REL: variants seen among roughly 807,000 people sequenced by gnomAD.
REL encodes REL proto-oncogene, NF-kB subunit.
A neutral mutation model predicts 45.9 loss-of-function variants in REL; 15 were observed. The ratio of observed to expected loss-of-function variants is 0.33; its 90% CI spans 0.22 to 0.50. The LOEUF (loss-of-function observed/expected upper bound fraction) is 0.50. REL is among the 20% of genes least tolerant of loss of function. The pLI, the probability that REL is intolerant of heterozygous loss-of-function variation, is 0.98. For synonymous variants in REL, 239 were observed against 242.1 expected, an observed-to-expected ratio of 0.99 and a Z score of 0.12; for missense variants, 601 against 715.2, an observed-to-expected ratio of 0.84 and a Z score of 1.82.
chr2:60,890,772 A>G (rs1044988110), intron 1 of REL, among the ~76,000 whole-genome samples: 1 of 152,190 alleles, frequency 6.6e-6, no homozygotes, highest in Non-Finnish European at 1.5e-5. Context: ...TCATCACAAG[A>G]TAATGTCCCC....
rs371959186 is a variant in REL at position 60,881,574 on chromosome 2, A to T, written c.-267A>T. On this transcript the variant is annotated 5_prime_UTR_variant, in exon 1 of 10. Transcript: ENST00000394479. ...CTGCTCGCCTCTCGGCTGGGCCAGC[A>T]CTCGGCTCTCCCCGCTCCGCCCCCT... is the stretch of plus-strand genomic sequence containing the variant. 1 of 473,802 alleles carries T rather than the reference A, an allele frequency of 2.1e-6. No homozygotes were observed. Among genetic ancestry groups the T allele is most frequent in the African/African-American group, 2.0e-5 (1 of 48,826 alleles). 29.3% of individuals were successfully genotyped at this position (473,802 alleles called of 1,614,324 possible). A position where few individuals can be genotyped will look rare whatever the true frequency, so the allele number is the denominator to read the frequency against.
chr2:60,916,077 C>G lies in REL; in HGVS notation c.395-800C>G, dbSNP rs144652523. ...TTAATGACTTGAGTTCACATTTCCA[C>G]CCTGTCACTGTGAAACTTTGGGCAA... On this transcript the variant is annotated intron_variant, in intron 4 of 9. Transcript: ENST00000394479. Among the ~76,000 whole-genome samples, 58 of 152,296 alleles carry G rather than the reference C, an allele frequency of 3.8e-4. No homozygotes were observed. The East Asian group carries it at 0.011, about 29-fold the overall frequency.
chr2:60,913,850 C>T (rs559966910), intron 4 of REL, among the ~76,000 whole-genome samples: 1 of 152,294 alleles, frequency 6.6e-6, no homozygotes, highest in African/African-American at 2.4e-5. Context: ...AGATTATCAT[C>T]TATCATTACC....
chr2:60,926,637 A>G lies in REL; in HGVS notation c.*4102A>G, dbSNP rs114609373. The G allele has an allele frequency of 2.3e-3, 520 of 229,688 alleles. 3 individuals are homozygous for G. The highest frequency in any genetic ancestry group is 0.011 in the African/African-American group (499 of 45,062). The allele number at this position is 229,688 out of a possible 1,614,324, so 14.2% of individuals were successfully genotyped here. On this transcript the variant is annotated 3_prime_UTR_variant, in exon 10 of 10. Transcript: ENST00000394479. ...GAGCCCACAGGTTCAGTTTTCTTTC[A>G]TGCTACCTGAATGTCCTGATAAACT...
chr2:60,924,882 T>G lies in REL; in HGVS notation c.*2347T>G, dbSNP rs772621886. The G allele has an allele frequency of 4.7e-6, 1 of 213,444 alleles. No homozygotes were observed. Among genetic ancestry groups the G allele is most frequent in the Non-Finnish European group, 9.5e-6 (1 of 105,422 alleles). The allele number at this position is 213,444 out of a possible 1,614,324, so 13.2% of individuals were successfully genotyped here. On this transcript the variant is annotated 3_prime_UTR_variant, in exon 10 of 10. Transcript: ENST00000394479. ...CCTAGTTGTTTCTGCATACTTTATG[T>G]GAGTTGTTATAGCTGTAACATTACA...
At position 60,927,654 on chromosome 2, in the gene REL, T is replaced by C. The variant is rs930465803; in HGVS notation, c.*5119T>C. Reference sequence around the variant, plus strand: ...AATGTCCAATGTGCAAAGCACGATGTTGGAAATTATACAGAGGTGAATAAG... The same window carrying C: ...AATGTCCAATGTGCAAAGCACGATGCTGGAAATTATACAGAGGTGAATAAG... On this transcript the variant is annotated 3_prime_UTR_variant, in exon 10 of 10. Transcript: ENST00000394479. 8.7e-6 allele frequency: 2 copies of C among 230,012 alleles called. No homozygotes were observed. The highest frequency in any genetic ancestry group is 4.4e-5 in the African/African-American group (2 of 45,210). 14.2% of individuals were successfully genotyped at this position (230,012 alleles called of 1,614,324 possible). A position where few individuals can be genotyped will look rare whatever the true frequency, so the allele number is the denominator to read the frequency against.
chr2:60,912,891 TATTTA>T (rs985541996), intron 4 of REL, among the ~76,000 whole-genome samples: 2 of 152,258 alleles, frequency 1.3e-5, no homozygotes, highest in East Asian at 1.9e-4. Flanking sequence ...AAAAAATAGT[TATTTA>T]ATTAAGTCGG....
intron 4 of REL, among the ~76,000 whole-genome samples, chr2:60,905,355 A>T (rs1430876406): frequency 6.6e-6 from 1 of 152,056 alleles, no homozygotes; most frequent in African/African-American, 2.4e-5. Context: ...CAGCCTCCCA[A>T]AGTGCTGGGA....
chr2:60,926,481 C>T lies in REL; in HGVS notation c.*3946C>T, dbSNP rs905253149. 3.9e-5 allele frequency: 9 copies of T among 231,834 alleles called. No individual in the cohort carries two copies. The highest frequency in any genetic ancestry group is 6.0e-5 in the Non-Finnish European group (7 of 117,200). The allele number at this position is 231,834 out of a possible 1,614,324, so 14.4% of individuals were successfully genotyped here. On this transcript the variant is annotated 3_prime_UTR_variant, in exon 10 of 10. Transcript: ENST00000394479. ...GACCTATGTATAACCTCCTATACTTCCCTCTTTGCATACTCCTCTGGGTTT... is the reference window on the plus strand; with the variant it reads ...GACCTATGTATAACCTCCTATACTTTCCTCTTTGCATACTCCTCTGGGTTT...
At chr2:60,887,246 C>T (rs1673093728) in intron 1 of REL, among the ~76,000 whole-genome samples, 1 of 151,998 alleles carries the variant, frequency 6.6e-6, no homozygotes. Context: ...AAATCATAAA[C>T]ACAGATAAAT....
intron 1 of REL, among the ~76,000 whole-genome samples, chr2:60,886,660 G>C (rs1185880991): frequency 6.6e-6 from 1 of 151,972 alleles, no homozygotes; most frequent in Non-Finnish European, 1.5e-5. Context: ...CTGTATACTT[G>C]ATGCTGGTTG....
At chr2:60,906,913 A>ATATATATATATT (rs1311506982) in intron 4 of REL, among the ~76,000 whole-genome samples, 1 of 104,306 alleles carries the variant, frequency 9.6e-6, no homozygotes, top group Admixed American at 1.2e-4. Context: ...ATATATATAT[A>ATATATATATATT]TTTTTTTTTT....
intron 9 of REL, among the ~76,000 whole-genome samples, chr2:60,921,111 C>T (rs2103987327): frequency 6.6e-6 from 1 of 151,722 alleles, no homozygotes; most frequent in Non-Finnish European, 1.5e-5. Flanking sequence ...AAAAAAATTG[C>T]CAATCCCTAG....
Position 60,924,288 on chromosome 2 carries a change from T to C in REL, c.*1753T>C, listed in dbSNP as rs1658206219. ...CTGTTTGTTTTCCCATACCGAAATA[T>C]AAACTTTCTAAGGACAGAAATTTTT... is the stretch of plus-strand genomic sequence containing the variant. On this transcript the variant is annotated 3_prime_UTR_variant, in exon 10 of 10. Transcript: ENST00000394479. 1.8e-5 allele frequency: 4 copies of C among 222,978 alleles called. No homozygotes were observed. In the South Asian group the frequency reaches 5.5e-4, roughly 31 times the overall value. 13.8% of individuals were successfully genotyped at this position (222,978 alleles called of 1,614,324 possible). A position where few individuals can be genotyped will look rare whatever the true frequency, so the allele number is the denominator to read the frequency against.
chr2:60,912,599 T>G (rs1366279640), intron 4 of REL, among the ~76,000 whole-genome samples: 2 of 152,086 alleles, frequency 1.3e-5, no homozygotes, highest in African/African-American at 4.8e-5. Context: ...CTCAGAAGTA[T>G]TATAAAATAG....
At chr2:60,920,787 T>C in intron 9 of REL, 145 bp downstream of exon 9, 1 of 551,756 alleles carries the variant, frequency 1.8e-6, no homozygotes, top group South Asian at 2.6e-5. Flanking sequence ...ATAGAATGAA[T>C]TAAGCATGGC....
In REL at chr2:60,900,986, T is replaced by C. The variant is rs1256721236; in HGVS notation, c.303-6T>C. The C allele has an allele frequency of 5.0e-6, 8 of 1,597,810 alleles. No homozygotes were observed. Among genetic ancestry groups the C allele is most frequent in the Admixed American group, 3.6e-5 (2 of 55,436 alleles). On this transcript the variant is annotated splice_polypyrimidine_tract_variant and splice_region_variant and intron_variant, in intron 3 of 9. Coordinates refer to ENST00000394479, the MANE Select transcript of REL (RefSeq NM_001291746.2). ...GCAGTTTTGAATATTGTTTTTTTCC[T>C]GCTAGTTTCCAAAATTTGGGTATTC...
chr2:60,920,065 A>C lies in REL; in HGVS notation c.878A>C (p.Lys293Thr). Reference sequence around the variant, plus strand: ...GATACTTACGGCAATAAAGCAAAGAAACAAAAGACAACTCTGCTTTTCCAG... The same window carrying C: ...GATACTTACGGCAATAAAGCAAAGACACAAAAGACAACTCTGCTTTTCCAG... The part of the protein sequence containing the change: ...EKDTYGNKAK[K>T]QKTTLLFQKL... Residue 293 changes from lysine to threonine, a missense_variant, in exon 8 of 10, where the codon AAA becomes ACA. Lys to Thr is a moderately conservative substitution (Grantham distance 78). Transcript: ENST00000394479. 6.2e-7 allele frequency: 1 copy of C among 1,612,158 alleles called. No individual in the cohort carries two copies. Among genetic ancestry groups the C allele is most frequent in the Non-Finnish European group, 8.5e-7 (1 of 1,178,878 alleles).
chr2:60,897,961 T>C (rs1322476313), intron 3 of REL, among the ~76,000 whole-genome samples: 1 of 152,100 alleles, frequency 6.6e-6, no homozygotes, highest in Non-Finnish European at 1.5e-5. Context: ...CTTCTTCCAA[T>C]GTGCCGTATG....
Sources: gnomAD v4.1 joint callset for allele counts (sites outside exome capture counted in the v4.1 genomes callset) on GRCh38, gnomAD v4.1.1 for gene constraint, MANE v1.5 for transcripts, NCBI Gene and HGNC (gene_info 2026-07-23, HGNC 2026-07-21) for gene names.